The following AFF3 variants were observed in gnomAD, a reference collection of about 807,000 sequenced individuals.
The protein encoded by AFF3 is AF4/FMR2 family member 3.
Under a neutral mutation model 129.7 loss-of-function variants are expected in AFF3, and 32 were observed. The observed-to-expected ratio is 0.25, with a 90% CI of 0.19 to 0.33. The LOEUF is 0.33. Ranked by LOEUF, AFF3 falls within the 10% of genes least tolerant of loss-of-function variation. AFF3 has a pLI of 1.00. For missense variants in AFF3, 1,373 were observed against 1,592.0 expected (o/e 0.86, Z 2.34); for synonymous variants, 644 against 635.4 (o/e 1.01, Z -0.20).
chr2:100,019,744 G>A (rs1018110877), intron 4 of AFF3, among the ~76,000 whole-genome samples: 1 of 152,088 alleles, frequency 6.6e-6, no homozygotes, highest in African/African-American at 2.4e-5. Flanking sequence ...GCTCGGTTCC[G>A]CAGTCAGCAG....
chr2:99,919,778 G>A (rs1695729434), intron 7 of AFF3, among the ~76,000 whole-genome samples: 1 of 151,898 alleles, frequency 6.6e-6, no homozygotes, highest in African/African-American at 2.4e-5. Context: ...AAAGCCAGAA[G>A]TCAGTTCTCT....
At chr2:100,090,002 C>CA (rs1287858347) in intron 4 of AFF3, among the ~76,000 whole-genome samples, 1 of 71,520 alleles carries the variant, frequency 1.4e-5, no homozygotes, top group Non-Finnish European at 2.8e-5. Flanking sequence ...TAATATGTCC[C>CA]AATCCCTTAA....
intron 7 of AFF3, among the ~76,000 whole-genome samples, chr2:99,955,254 G>A (rs780313121): frequency 5.2e-4 from 79 of 152,224 alleles, no homozygotes; most frequent in Admixed American, 1.3e-3. Flanking sequence ...TAATTGACCT[G>A]TACAAAGCAC....
chr2:100,072,508 C>T (rs1688270754), intron 4 of AFF3, among the ~76,000 whole-genome samples: 1 of 152,174 alleles, frequency 6.6e-6, no homozygotes, highest in Admixed American at 6.5e-5. Context: ...GAGCTGGACC[C>T]ATGGAGAGCT....
At chr2:99,685,909 G>A (rs550985816) in intron 11 of AFF3, among the ~76,000 whole-genome samples, 4 of 152,168 alleles carry the variant, frequency 2.6e-5, no homozygotes, top group South Asian at 2.1e-4. Context: ...GATCCAGGCC[G>A]GGCATGGTGG....
intron 4 of AFF3, among the ~76,000 whole-genome samples, chr2:100,048,334 A>G (rs1686007074): frequency 6.6e-6 from 1 of 152,178 alleles, no homozygotes; most frequent in Non-Finnish European, 1.5e-5. Context: ...AATGTTTTCC[A>G]TTGTGTTAAT....
At chr2:99,648,881 G>GCACACACACAAA (rs367768868) in intron 13 of AFF3, among the ~76,000 whole-genome samples, 1 of 64,914 alleles carries the variant, frequency 1.5e-5, no homozygotes, top group African/African-American at 5.2e-5. Context: ...CTCAAAACAC[G>GCACACACACAAA]CGCGCACACA....
Position 99,947,597 on chromosome 2 carries a change from AAGAAAGAT to A in AFF3, c.873+59027_873+59034del, listed in dbSNP as rs1388678761. On this transcript the variant is annotated intron_variant, in intron 7 of 24. Transcript: ENST00000672756. ...AGAAAAGAAAAGAAAGAAAGAAAGAAAGAAAGATAGATAGATAGATAGATAGATAGATA... is the reference window on the plus strand; with the variant it reads ...AGAAAAGAAAAGAAAGAAAGAAAGAAAGATAGATAGATAGATAGATAGATA... 4.5e-3 allele frequency among the ~76,000 whole-genome samples: 634 copies of A among 140,802 alleles called. 4 individuals carry two copies. The highest frequency in any genetic ancestry group is 0.011 in the African/African-American group (407 of 37,184). The allele number at this position is 140,802 out of a possible 152,430, so 92.4% of individuals were successfully genotyped here. A position where few individuals can be genotyped will look rare whatever the true frequency, so the allele number is the denominator to read the frequency against.
chr2:99,570,586 C>T (rs2104688311), intron 18 of AFF3, among the ~76,000 whole-genome samples: 1 of 152,288 alleles, frequency 6.6e-6, no homozygotes, highest in East Asian at 1.9e-4. Flanking sequence ...GATCCACCTG[C>T]CTCGGCCTCC....
At chr2:100,008,555 A>T (rs1409997075) in intron 5 of AFF3, among the ~76,000 whole-genome samples, 1 of 152,158 alleles carries the variant, frequency 6.6e-6, no homozygotes, top group Non-Finnish European at 1.5e-5. Context: ...TATTATTGAT[A>T]AAAATCACAG....
chr2:99,945,245 A>T (rs1675450353), intron 7 of AFF3, among the ~76,000 whole-genome samples: 1 of 152,236 alleles, frequency 6.6e-6, no homozygotes, highest in African/African-American at 2.4e-5. Flanking sequence ...TTACACACAG[A>T]ATTAGCAAAA....
intron 11 of AFF3, among the ~76,000 whole-genome samples, chr2:99,677,392 A>G (rs1674078841): frequency 6.6e-6 from 1 of 152,136 alleles, no homozygotes; most frequent in Non-Finnish European, 1.5e-5. Flanking sequence ...TGGTGACTTT[A>G]CAGTAGAGTC....
intron 7 of AFF3, among the ~76,000 whole-genome samples, chr2:99,944,248 G>A (rs1333665217): frequency 2.0e-5 from 3 of 152,138 alleles, no homozygotes; most frequent in Non-Finnish European, 4.4e-5. Context: ...ACCAAGTACG[G>A]CCTATCTGCC....
chr2:100,102,216 T>C (rs1310006796), intron 4 of AFF3, among the ~76,000 whole-genome samples: 4 of 150,546 alleles, frequency 2.7e-5, no homozygotes, highest in Admixed American at 2.6e-4. Context: ...ACTGAGAACA[T>C]AGCATCCAAA....
intron 8 of AFF3, among the ~76,000 whole-genome samples, chr2:99,758,585 C>A (rs1482182642): frequency 3.0e-3 from 314 of 103,136 alleles, no homozygotes; most frequent in South Asian, 5.0e-3. Context: ...GACTCCATCT[C>A]AAAAAAAAAA....
At chr2:99,748,665 T>G (rs886429772) in intron 9 of AFF3, among the ~76,000 whole-genome samples, 5 of 152,218 alleles carry the variant, frequency 3.3e-5, no homozygotes, top group African/African-American at 1.2e-4. Context: ...GAAACCTTCT[T>G]GACTCTAATG....
At chr2:99,871,928 C>T (rs1323491034) in intron 7 of AFF3, among the ~76,000 whole-genome samples, 3 of 151,994 alleles carry the variant, frequency 2.0e-5, no homozygotes, top group Admixed American at 6.6e-5. Context: ...GAAAAGTGGG[C>T]CAGGTGCGGT....
chr2:99,551,827 G>A (rs1674437724), intron 24 of AFF3, among the ~76,000 whole-genome samples: 1 of 152,166 alleles, frequency 6.6e-6, no homozygotes, highest in Non-Finnish European at 1.5e-5. Flanking sequence ...CAAATGAATA[G>A]TATTTGCTTA....
chr2:99,998,370 G>C (rs1576510763), intron 7 of AFF3, among the ~76,000 whole-genome samples: 1 of 152,104 alleles, frequency 6.6e-6, no homozygotes, highest in African/African-American at 2.4e-5. Flanking sequence ...CAACATGAAA[G>C]TGGGGGGTTT....
Sources: gnomAD v4.1 joint callset for allele counts (sites outside exome capture counted in the v4.1 genomes callset) on GRCh38, gnomAD v4.1.1 for gene constraint, MANE v1.5 for transcripts, NCBI Gene and HGNC (gene_info 2026-07-23, HGNC 2026-07-21) for gene names.